DNAH5: variants seen among roughly 807,000 people sequenced by gnomAD.
DNAH5 encodes the protein dynein axonemal heavy chain 5, also known as axonemal beta dynein heavy chain 5.
In DNAH5, 372 loss-of-function variants were observed where a neutral mutation model predicts 518.2. The ratio of observed to expected loss-of-function variants is 0.72; its 90% CI spans 0.66 to 0.78. The LOEUF (loss-of-function observed/expected upper bound fraction) is 0.78. Among genes scored for constraint, DNAH5 ranks in the 30% least tolerant of loss-of-function variants. The pLI is 0.00. For synonymous variants in DNAH5, 2,039 were observed against 2,025.9 expected (o/e 1.01, Z -0.17); for missense variants, 5,523 against 5,687.0 (o/e 0.97, Z 0.93).
intron 21 of DNAH5, 44 bp downstream of exon 21, chr5:13,882,684 G>A (rs911236660): frequency 6.9e-7 from 1 of 1,449,600 alleles, no homozygotes; most frequent in Non-Finnish European, 9.7e-7. Context: ...CTCAATGAAT[G>A]TTGATTTACA....
intron 58 of DNAH5, among the ~76,000 whole-genome samples, chr5:13,767,791 A>C (rs1299714272): frequency 1.3e-5 from 2 of 152,226 alleles, no homozygotes; most frequent in African/African-American, 4.8e-5. Flanking sequence ...TGACTGTTAT[A>C]TAATCTCCTA....
intron 59 of DNAH5, among the ~76,000 whole-genome samples, chr5:13,764,036 C>T (rs1752151031): frequency 6.6e-6 from 1 of 152,194 alleles, no homozygotes; most frequent in Non-Finnish European, 1.5e-5. Flanking sequence ...ACATAGCAGT[C>T]ACTTGAGCAA....
In DNAH5 at chr5:13,911,488, A is replaced by T; in HGVS notation, c.1542T>A (p.Ile514=). 6.2e-7 allele frequency: 1 copy of T among 1,609,708 alleles called. No individual in the cohort carries two copies. Among genetic ancestry groups the T allele is most frequent in the Non-Finnish European group, 8.5e-7 (1 of 1,176,334 alleles). ...ATTCCTTTTTCTTTATGGTTGCCAC[A>T]ATGCCCTGAAATATTATGAGATAAA... ...LEDMATKYQG[I]VATIKKKEYN... Residue 514 remains isoleucine (I), a synonymous_variant, in exon 12 of 79, where the codon ATT becomes ATA. Coordinates refer to ENST00000265104, the MANE Select transcript of DNAH5 (RefSeq NM_001369.3).
At chr5:14,006,944 T>C (rs1207622891) in intron 1 of DNAH5, among the ~76,000 whole-genome samples, 1 of 152,174 alleles carries the variant, frequency 6.6e-6, no homozygotes, top group Non-Finnish European at 1.5e-5. Context: ...CCAGTGGCCT[T>C]GGGTCTTCTC....
At chr5:13,757,831 C>T (rs980349111) in intron 61 of DNAH5, among the ~76,000 whole-genome samples, 3 of 152,140 alleles carry the variant, frequency 2.0e-5, no homozygotes, top group East Asian at 1.9e-4. Context: ...TTATATCATA[C>T]ATTCTGCAGA....
intron 47 of DNAH5, among the ~76,000 whole-genome samples, chr5:13,805,408 G>A (rs71614061): frequency 0.053 from 8,136 of 152,214 alleles, 309 homozygotes; most frequent in Non-Finnish European, 0.079. Flanking sequence ...TGGGGCAGGA[G>A]AATTGCTTGA....
intron 47 of DNAH5, among the ~76,000 whole-genome samples, chr5:13,797,266 C>T (rs1226041226): frequency 6.6e-6 from 1 of 152,116 alleles, no homozygotes; most frequent in Non-Finnish European, 1.5e-5. Context: ...GAACAGGCAA[C>T]CTACAGAATG....
rs761744619 is a variant in DNAH5 at position 13,769,095 on chromosome 5, C to A, written c.9762G>T (p.Lys3254Asn). 6.2e-7 allele frequency: 1 copy of A among 1,614,080 alleles called. No homozygotes were observed. Among genetic ancestry groups the A allele is most frequent in the African/African-American group, 1.3e-5 (1 of 74,938 alleles). ...TCACCTTCTGTACCTCAGCCTTGAC[C>A]TTTTCAGCAGCCTGTGCTTTCATTG... ...EVTMKAQAAE[K>N]VKAEVQKVKD... The change falls in exon 58 of 79, where the codon AAG (lysine) becomes AAT (asparagine). Residue 3254 changes from lysine to asparagine, a missense_variant. By Grantham distance (94) the Lys-to-Asn change is moderately conservative. Transcript: ENST00000265104.
At chr5:13,904,316 G>C (rs1014375356) in intron 12 of DNAH5, among the ~76,000 whole-genome samples, 3 of 149,366 alleles carry the variant, frequency 2.0e-5, no homozygotes. Flanking sequence ...AGTCTCAGCT[G>C]TTTTTTATAT....
Position 13,776,350 on chromosome 5 carries a change from C to A in DNAH5, c.9373+89G>T, listed in dbSNP as rs1424389820. Reference sequence around the variant, plus strand: ...GACATCCTGGAGCCTGCCTGGAGATCCAGCTGAGGCAGAGCCTTCAAGCAT... The same window carrying A: ...GACATCCTGGAGCCTGCCTGGAGATACAGCTGAGGCAGAGCCTTCAAGCAT... On this transcript the variant is annotated intron_variant, in intron 55 of 78. Transcript: ENST00000265104. 9.7e-6 allele frequency: 15 copies of A among 1,547,790 alleles called. No homozygotes were observed. The Middle Eastern group carries it at 8.4e-4, about 86-fold the overall frequency.
Position 13,769,576 on chromosome 5 carries a change from C to T in DNAH5, c.9645G>A (p.Glu3215=), listed in dbSNP as rs1285452658. The T allele has an allele frequency of 3.7e-6, 6 of 1,613,922 alleles. No individual in the cohort carries two copies. In the Admixed American group the frequency reaches 6.7e-5, roughly 18 times the overall value. The change falls in exon 57 of 79, where the codon GAG becomes GAA. Residue 3215 remains glutamate, a synonymous_variant. Transcript: ENST00000265104. The stretch of plus-strand genomic sequence containing the variant: ...GTTCTTTACTCAAGGCTGCAACAGA[C>T]TCTGAAGCTTCTTTGAGCTTTTCCA... The part of the protein sequence containing the change: ...TGLEKLKEAS[E]SVAALSKELE...
intron 12 of DNAH5, among the ~76,000 whole-genome samples, chr5:13,907,855 GTT>G (rs1775519568): frequency 6.6e-6 from 1 of 152,170 alleles, no homozygotes; most frequent in African/African-American, 2.4e-5. Flanking sequence ...CCAGTCAGAA[GTT>G]TTAATTAAGT....
chr5:13,887,606 C>A (rs1166218137), intron 17 of DNAH5, among the ~76,000 whole-genome samples: 1 of 152,190 alleles, frequency 6.6e-6, no homozygotes, highest in African/African-American at 2.4e-5. Flanking sequence ...ACCATTTCCT[C>A]ATTCCCATGA....
Position 13,871,724 on chromosome 5 carries a change from G to A in DNAH5, c.3438C>T (p.His1146=). 6.2e-7 allele frequency: 1 copy of A among 1,613,670 alleles called. No individual in the cohort carries two copies. Among genetic ancestry groups the A allele is most frequent in the Middle Eastern group, 1.7e-4 (1 of 6,058 alleles). Reference sequence around the variant, plus strand: ...CTTCTTCTTTTCCCTTTTGCCAAATGTGATTGTAGCGTTTGAAGCAATCCA... The same window carrying A: ...CTTCTTCTTTTCCCTTTTGCCAAATATGATTGTAGCGTTTGAAGCAATCCA... The part of the protein sequence containing the change: ...TSMDCFKRYN[H]IWQKGKEEAI... The change falls in exon 23 of 79, where the codon CAC becomes CAT. Residue 1146 remains histidine, a synonymous_variant. Coordinates refer to ENST00000265104, the MANE Select transcript of DNAH5 (RefSeq NM_001369.3).
In DNAH5 at chr5:13,936,842, T is replaced by C. The variant is rs142409066; in HGVS notation, c.58-5598A>G. ...ACACAGATCTACTCCACTGACCCCA[T>C]TGGCAGCCAGCAGAAGTGGATGGAG... On this transcript the variant is annotated intron_variant, in intron 1 of 78. Transcript: ENST00000265104. Among the ~76,000 whole-genome samples, 263 of 152,272 alleles carry C rather than the reference T, an allele frequency of 1.7e-3. 7 individuals carry two copies. In the East Asian group the frequency reaches 0.044, roughly 25 times the overall value.
intron 55 of DNAH5, among the ~76,000 whole-genome samples, chr5:13,776,124 C>T (rs534705606): frequency 4.7e-4 from 72 of 152,252 alleles, no homozygotes; most frequent in South Asian, 1.9e-3. Context: ...CAGTCAGAGA[C>T]CATGCTGGTT....
At chr5:13,914,398 T>C (rs527274819) in intron 10 of DNAH5, 122 bp downstream of exon 10, 7 of 1,204,600 alleles carry the variant, frequency 5.8e-6, no homozygotes, top group African/African-American at 3.1e-5. Flanking sequence ...ATTTTCTTCA[T>C]AGTTAAGAAT....
intron 1 of DNAH5, among the ~76,000 whole-genome samples, chr5:13,950,617 TC>T (rs1481784458): frequency 6.6e-6 from 1 of 152,152 alleles, no homozygotes; most frequent in Non-Finnish European, 1.5e-5. Context: ...CTGAAATTTT[TC>T]TCCCAAACCT....
intron 12 of DNAH5, among the ~76,000 whole-genome samples, chr5:13,905,002 A>G (rs550379297): frequency 2.9e-4 from 44 of 152,358 alleles, no homozygotes; most frequent in African/African-American, 1.0e-3. Flanking sequence ...TAACCAAAAG[A>G]AAGTCGAAGT....
Sources: gnomAD v4.1 joint callset for allele counts (sites outside exome capture counted in the v4.1 genomes callset) on GRCh38, gnomAD v4.1.1 for gene constraint, MANE v1.5 for transcripts, NCBI Gene and HGNC (gene_info 2026-07-23, HGNC 2026-07-21) for gene names.